Variants in BICC1 observed in about 807,000 individuals in gnomAD.
BICC1 encodes the protein protein bicaudal C homolog 1.
A neutral mutation model predicts 111.0 loss-of-function variants in BICC1; 43 were observed. The observed-to-expected ratio is 0.39, with a 90% CI of 0.30 to 0.50. The LOEUF (loss-of-function observed/expected upper bound fraction) is 0.50, where lower values mean the gene tolerates loss of function less well. Ranked by LOEUF, BICC1 falls within the 20% of genes least tolerant of loss-of-function variation. The pLI, the probability that BICC1 is intolerant of heterozygous loss-of-function variation, is 0.88. For missense variants in BICC1, 1,091 were observed against 1,203.2 expected (o/e 0.91, Z 1.38); for synonymous variants, 467 against 434.4 (o/e 1.07, Z -0.93).
chr10:58,714,326 A>G (rs1446326063), intron 3 of BICC1, among the ~76,000 whole-genome samples: 1 of 152,216 alleles, frequency 6.6e-6, no homozygotes, highest in Non-Finnish European at 1.5e-5. Flanking sequence ...AAGGGAGAAA[A>G]TACCTATGTA....
In BICC1 at chr10:58,831,129, C is replaced by G. The variant is rs1186289446; in HGVS notation, c.*2238C>G. ...AATAAAAACACTGGAAATTCTTTCTCTCACTTTCTCTTGATGCAATGAAGG... is the reference window on the plus strand; with the variant it reads ...AATAAAAACACTGGAAATTCTTTCTGTCACTTTCTCTTGATGCAATGAAGG... On this transcript the variant is annotated 3_prime_UTR_variant, in exon 21 of 21. Transcript: ENST00000373886. 1.3e-5 allele frequency: 2 copies of G among 152,188 alleles called. No homozygotes were observed. The highest frequency in any genetic ancestry group is 1.3e-4 in the Admixed American group (2 of 15,272). 9.4% of individuals were successfully genotyped at this position (152,188 alleles called of 1,614,324 possible).
intron 3 of BICC1, among the ~76,000 whole-genome samples, chr10:58,777,851 T>C (rs1842788758): frequency 6.6e-6 from 1 of 152,128 alleles, no homozygotes. Flanking sequence ...TAAAATACAT[T>C]TGTTTTTGCA....
chr10:58,661,541 A>G (rs931589147), intron 2 of BICC1, among the ~76,000 whole-genome samples: 1 of 152,074 alleles, frequency 6.6e-6, no homozygotes, highest in Non-Finnish European at 1.5e-5. Context: ...TCTGTTTTTC[A>G]TTTTCTGAAG....
At chr10:58,746,099 C>T (rs551217266) in intron 3 of BICC1, among the ~76,000 whole-genome samples, 1 of 152,180 alleles carries the variant, frequency 6.6e-6, no homozygotes, top group South Asian at 2.1e-4. Flanking sequence ...TTGTAGCAAT[C>T]CAAATTGGCC....
rs66709538 is a variant in BICC1, at chr10:58,756,626, C to CTTT, written c.308-28345_308-28343dup. On this transcript the variant is annotated intron_variant, in intron 3 of 20. Coordinates refer to ENST00000373886, the MANE Select transcript of BICC1 (RefSeq NM_001080512.3). ...CCAGGACCCTTTAGCAACTACTAGC[C>CTTT]TTTTTTTTTTTTTTTTTTTTTTTTT... Among the ~76,000 whole-genome samples, 238 of 135,836 alleles carry CTTT rather than the reference C, an allele frequency of 1.8e-3. 12 individuals carry two copies. The highest frequency in any genetic ancestry group is 4.4e-3 in the African/African-American group (149 of 33,744). 89.1% of individuals were successfully genotyped at this position (135,836 alleles called of 152,430 possible).
At chr10:58,711,963 A>C (rs1419181635) in intron 3 of BICC1, among the ~76,000 whole-genome samples, 2 of 152,192 alleles carry the variant, frequency 1.3e-5, no homozygotes, top group African/African-American at 4.8e-5. Context: ...CATCTGATGA[A>C]GAACTGTTAC....
intron 15 of BICC1, among the ~76,000 whole-genome samples, chr10:58,806,206 C>T (rs1229795764): frequency 6.6e-6 from 1 of 152,100 alleles, no homozygotes; most frequent in African/African-American, 2.4e-5. Context: ...TACATGACAG[C>T]ATTTTGGAAA....
At chr10:58,788,504 C>T in intron 6 of BICC1, 81 bp downstream of exon 6, 1 of 989,052 alleles carries the variant, frequency 1.0e-6, no homozygotes, top group South Asian at 1.5e-5. Flanking sequence ...AATAATTTAT[C>T]ATTTTATAAC....
chr10:58,616,162 G>T (rs1479807208), intron 1 of BICC1, among the ~76,000 whole-genome samples: 3 of 152,182 alleles, frequency 2.0e-5, no homozygotes, highest in African/African-American at 4.8e-5. Context: ...GCCTGGGGCT[G>T]TCGTCTCAGC....
Position 58,603,323 on chromosome 10 carries a change from T to C in BICC1, c.191-17532T>C, listed in dbSNP as rs1446693797. Among the ~76,000 whole-genome samples, 4 of 152,280 alleles carry C rather than the reference T, an allele frequency of 2.6e-5. No homozygotes were observed. In the East Asian group the frequency reaches 7.7e-4, roughly 29 times the overall value. On this transcript the variant is annotated intron_variant, in intron 1 of 20. Coordinates refer to ENST00000373886, the MANE Select transcript of BICC1 (RefSeq NM_001080512.3). ...ACTTGACTGATGGTTTGGAAATAAG[T>C]AGTGTTGATTTCACCATGTGATTCC...
chr10:58,791,980 T>C (rs996188610), intron 8 of BICC1, among the ~76,000 whole-genome samples: 2 of 152,012 alleles, frequency 1.3e-5, no homozygotes, highest in Non-Finnish European at 2.9e-5. Flanking sequence ...TTAGTAGAGA[T>C]GGGGTTTCAC....
At chr10:58,760,064 C>G (rs990089629) in intron 3 of BICC1, among the ~76,000 whole-genome samples, 1 of 151,610 alleles carries the variant, frequency 6.6e-6, no homozygotes, top group Admixed American at 6.6e-5. Context: ...AGCTGCTTTT[C>G]ATAAGCGCGT....
At chr10:58,632,483 A>G (rs1837825677) in intron 2 of BICC1, among the ~76,000 whole-genome samples, 2 of 152,014 alleles carry the variant, frequency 1.3e-5, no homozygotes, top group Admixed American at 1.3e-4. Flanking sequence ...AGAGCTTTAC[A>G]ATGGAGGAAA....
At chr10:58,666,529 A>G (rs1362216751) in intron 2 of BICC1, among the ~76,000 whole-genome samples, 3 of 152,142 alleles carry the variant, frequency 2.0e-5, no homozygotes, top group Non-Finnish European at 2.9e-5. Flanking sequence ...GTGACTTTTA[A>G]TTTTTGAATC....
intron 1 of BICC1, among the ~76,000 whole-genome samples, chr10:58,562,607 TTTATAAA>T (rs1843638233): frequency 6.6e-6 from 1 of 152,154 alleles, no homozygotes; most frequent in Admixed American, 6.5e-5. Context: ...TTTCAGGCAC[TTTATAAA>T]TTTCCTTTTT....
chr10:58,712,273 C>G (rs1015149382), intron 3 of BICC1, among the ~76,000 whole-genome samples: 1 of 152,116 alleles, frequency 6.6e-6, no homozygotes, highest in Admixed American at 6.6e-5. Flanking sequence ...GGTACAGCTA[C>G]TTTGGAAGAT....
chr10:58,810,460 T>C (rs1843866201), intron 17 of BICC1, among the ~76,000 whole-genome samples: 1 of 152,102 alleles, frequency 6.6e-6, no homozygotes, highest in South Asian at 2.1e-4. Context: ...ATGATCTTTT[T>C]TTTTTTCTTT....
chr10:58,730,613 C>T (rs74151712), intron 3 of BICC1, among the ~76,000 whole-genome samples: 366 of 152,136 alleles, frequency 2.4e-3, no homozygotes, highest in African/African-American at 8.6e-3. Flanking sequence ...CAGGCTTCTG[C>T]TTGGACATCT....
intron 1 of BICC1, among the ~76,000 whole-genome samples, chr10:58,518,580 A>ATG (rs1842303712): frequency 8.6e-6 from 1 of 115,788 alleles, no homozygotes; most frequent in Non-Finnish European, 1.7e-5. Context: ...TCCTTTGTGT[A>ATG]TGTGTGTGTT....
Sources: gnomAD v4.1 joint callset for allele counts (sites outside exome capture counted in the v4.1 genomes callset) on GRCh38, gnomAD v4.1.1 for gene constraint, MANE v1.5 for transcripts, NCBI Gene and HGNC (gene_info 2026-07-23, HGNC 2026-07-21) for gene names.